The following PTPRC variants were observed in gnomAD, a reference collection of about 807,000 sequenced individuals.
The protein encoded by PTPRC is protein tyrosine phosphatase receptor type C.
A neutral mutation model predicts 155.9 loss-of-function variants in PTPRC; 44 were observed. That is an observed-to-expected ratio of 0.28 (90% CI 0.22 to 0.36). The LOEUF is 0.36. Ranked by LOEUF, PTPRC falls within the 10% of genes least tolerant of loss-of-function variation. The probability of loss-of-function intolerance (pLI) is 1.00; values close to 1 mark genes in which losing one functional copy is unlikely to be tolerated. For missense variants in PTPRC, 1,401 were observed against 1,564.6 expected, an observed-to-expected ratio of 0.90 and a Z score of 1.76; for synonymous variants, 525 against 533.1, an observed-to-expected ratio of 0.98 and a Z score of 0.21.
At chr1:198,707,070 A>G (rs1211816054) in intron 9 of PTPRC, 118 bp downstream of exon 9, 3 of 813,788 alleles carry the variant, frequency 3.7e-6, no homozygotes, top group East Asian at 2.7e-5. Flanking sequence ...GGGAAAGGAA[A>G]TTCCTTGGAA....
At chr1:198,697,955 G>T (rs1666284888) in intron 4 of PTPRC, among the ~76,000 whole-genome samples, 1 of 152,168 alleles carries the variant, frequency 6.6e-6, no homozygotes, top group Admixed American at 6.5e-5. Flanking sequence ...CCATAGCAGA[G>T]TAGTAACTAG....
intron 2 of PTPRC, among the ~76,000 whole-genome samples, chr1:198,663,154 T>G (rs1664080026): frequency 6.6e-6 from 1 of 152,324 alleles, no homozygotes; most frequent in East Asian, 1.9e-4. Flanking sequence ...CAGGCAAGAC[T>G]GAACTTATGA....
chr1:198,754,575 T>A, intron 32 of PTPRC, 171 bp downstream of exon 32: 1 of 769,686 alleles, frequency 1.3e-6, no homozygotes, highest in Non-Finnish European at 2.0e-6. Flanking sequence ...TTTTACATGA[T>A]AATTCACATT....
At chr1:198,639,033 C>G, upstream of PTPRC, 1 of 498,150 alleles carries the variant, frequency 2.0e-6, no homozygotes, top group South Asian at 2.7e-5. Context: ...TTAGTAAAAC[C>G]GAATCTGACA....
intron 2 of PTPRC, chr1:198,679,943 C>T: frequency 1.6e-6 from 1 of 616,734 alleles, no homozygotes; most frequent in Admixed American, 2.7e-5. Flanking sequence ...AGCTCGTCCA[C>T]CGTCGCCCTG....
chr1:198,661,965 T>C (rs921844287), intron 2 of PTPRC, among the ~76,000 whole-genome samples: 14 of 152,298 alleles, frequency 9.2e-5, no homozygotes, highest in African/African-American at 3.4e-4. Flanking sequence ...TGTGATATTC[T>C]GGACTGGACA....
chr1:198,694,202 C>G, intron 3 of PTPRC: 1 of 1,434,378 alleles, frequency 7.0e-7, no homozygotes, highest in East Asian at 2.8e-5. Context: ...CAGGAAGCAG[C>G]CAGCACGAGA....
chr1:198,699,684 C>A lies in PTPRC; in HGVS notation c.419C>A (p.Pro140Gln). 2 of 1,614,234 alleles carry A rather than the reference C, an allele frequency of 1.2e-6. No individual in the cohort carries two copies. The highest frequency in any genetic ancestry group is 2.2e-5 in the South Asian group (2 of 91,086). Reference sequence around the variant, plus strand: ...GCCAATGCAAAACTCAACCCTACCCCAGGCAGCAATGCTATCTCAGGTTTG... The same window carrying A: ...GCCAATGCAAAACTCAACCCTACCCAAGGCAGCAATGCTATCTCAGGTTTG... Reference protein sequence around the residue: ...SAANAKLNPTPGSNAISDVPG... With the variant: ...SAANAKLNPTQGSNAISDVPG... Residue 140 changes from proline (P) to glutamine (Q), a missense_variant, in exon 5 of 33, where the codon CCA becomes CAA. Physicochemically the swap from Pro to Gln is moderately conservative, Grantham distance 76 (BLOSUM62 -1). Around this residue, in one of 3 missense-constraint regions of PTPRC, gnomAD observed 867 missense variants for 970.4 expected, o/e 0.89. Transcript: ENST00000442510.
intron 2 of PTPRC, among the ~76,000 whole-genome samples, chr1:198,656,540 G>T (rs752062032): frequency 6.6e-6 from 1 of 152,034 alleles, no homozygotes; most frequent in East Asian, 1.9e-4. Context: ...AAAGTGCACT[G>T]TGTATGAGCT....
chr1:198,642,095 C>T (rs1319589962), intron 2 of PTPRC, among the ~76,000 whole-genome samples: 1 of 151,952 alleles, frequency 6.6e-6, no homozygotes, highest in Non-Finnish European at 1.5e-5. Flanking sequence ...TTGAAATGTA[C>T]TTTGTTACAG....
At chr1:198,698,642 G>T (rs1666322031) in intron 4 of PTPRC, among the ~76,000 whole-genome samples, 1 of 151,748 alleles carries the variant, frequency 6.6e-6, no homozygotes, top group Non-Finnish European at 1.5e-5. Flanking sequence ...ATTTTATAAA[G>T]ATAGTTTATG....
chr1:198,725,797 T>A (rs1448249483), intron 15 of PTPRC, among the ~76,000 whole-genome samples: 3 of 152,232 alleles, frequency 2.0e-5, no homozygotes, highest in Non-Finnish European at 2.9e-5. Context: ...TTACTGCATA[T>A]GTCACTTTCA....
intron 17 of PTPRC, among the ~76,000 whole-genome samples, chr1:198,729,677 C>T (rs1242424723): frequency 1.3e-5 from 2 of 152,176 alleles, no homozygotes; most frequent in Non-Finnish European, 2.9e-5. Flanking sequence ...GTGCCAGGTA[C>T]TGAGAGTACT....
chr1:198,709,719 T>A lies in PTPRC; in HGVS notation c.1066T>A (p.Leu356Ile). The A allele has an allele frequency of 6.3e-7, 1 of 1,597,360 alleles. No homozygotes were observed. Among genetic ancestry groups the A allele is most frequent in the Non-Finnish European group, 8.5e-7 (1 of 1,170,800 alleles). Residue 356 changes from leucine to isoleucine, a missense_variant, in exon 11 of 33, where the codon TTA becomes ATA. Physicochemically the swap from Leu to Ile is conservative, Grantham distance 5. This residue lies in a region of PTPRC where 867 missense variants were observed against 970.4 expected (regional missense o/e 0.89). Transcript: ENST00000442510. The part of the protein sequence containing the change: ...NMIFDNKEIK[L>I]ENLEPEHEYK... ...GATATTTGATAATAAAGAAATTAAA[T>A]TAGAAAACCTTGAACCCGAACATGA...
chr1:198,678,136 T>C (rs1268973842), intron 2 of PTPRC, among the ~76,000 whole-genome samples: 3 of 152,316 alleles, frequency 2.0e-5, no homozygotes, highest in East Asian at 1.9e-4. Flanking sequence ...TGTGGAACCA[T>C]AGGCACAAAC....
At chr1:198,744,027 T>C in intron 25 of PTPRC, 27 bp from the exon 26 acceptor site, 2 of 1,570,524 alleles carry the variant, frequency 1.3e-6, no homozygotes, top group Non-Finnish European at 1.8e-6. Context: ...ATCAGTTAAC[T>C]ATCTGTATTT....
At position 198,660,306 on chromosome 1, in the gene PTPRC, AT is replaced by A. The variant is rs1320945489; in HGVS notation, c.73+20968del. Among the ~76,000 whole-genome samples the A allele has an allele frequency of 2.0e-5, 3 of 151,794 alleles. No individual in the cohort carries two copies. In the East Asian group the frequency reaches 5.8e-4, roughly 29 times the overall value. ...TCTTCAATTTACCATTTTGTGATTA[AT>A]TTAATTTTTACTGTGTTCAGGGTTT... On this transcript the variant is annotated intron_variant, in intron 2 of 32. Transcript: ENST00000442510.
At chr1:198,679,039 G>C (rs1255681520) in intron 2 of PTPRC, 1 of 174,518 alleles carries the variant, frequency 5.7e-6, no homozygotes, top group African/African-American at 2.4e-5. Context: ...TGTGCAAAGG[G>C]GAGCCGGAAG....
chr1:198,755,918 T>C lies in PTPRC; in HGVS notation c.3658T>C (p.Phe1220Leu). 1 of 1,610,678 alleles carries C rather than the reference T, an allele frequency of 6.2e-7. No homozygotes were observed. The highest frequency in any genetic ancestry group is 1.3e-5 in the African/African-American group (1 of 74,908). Residue 1220 changes from phenylalanine (F) to leucine (L), a missense_variant, in exon 33 of 33, where the codon TTC becomes CTC. Coordinates refer to ENST00000442510, the MANE Select transcript of PTPRC (RefSeq NM_002838.5). Reference sequence around the variant, plus strand: ...ATTCCTTTACTAGGAGCAATATCAATTCCTATATGACGTCATTGCCAGCAC... The same window carrying C: ...ATTCCTTTACTAGGAGCAATATCAACTCCTATATGACGTCATTGCCAGCAC... ...GMVSTFEQYQ[F>L]LYDVIASTYP...
Sources: gnomAD v4.1 joint callset for allele counts (sites outside exome capture counted in the v4.1 genomes callset) on GRCh38, gnomAD v4.1.1 for gene constraint, gnomAD v4.1.1 regional missense constraint, MANE v1.5 for transcripts, NCBI Gene and HGNC (gene_info 2026-07-23, HGNC 2026-07-21) for gene names.